The following DLGAP1 variants were observed in gnomAD, a reference collection of about 807,000 sequenced individuals.
DLGAP1 encodes the protein disks large-associated protein 1.
In DLGAP1, 11 loss-of-function variants were observed where a neutral mutation model predicts 90.8. That is an observed-to-expected ratio of 0.12 (90% CI 0.08 to 0.20). The LOEUF is 0.20. DLGAP1 is among the 10% of genes least tolerant of loss of function. The pLI is 1.00. For synonymous variants in DLGAP1, 558 were observed against 540.7 expected, an observed-to-expected ratio of 1.03 and a Z score of -0.44; for missense variants, 1,050 against 1,333.8, an observed-to-expected ratio of 0.79 and a Z score of 3.31.
chr18:3,686,435 A>G (rs929201285), intron 7 of DLGAP1, among the ~76,000 whole-genome samples: 4 of 152,148 alleles, frequency 2.6e-5, no homozygotes, highest in Non-Finnish European at 2.9e-5. Flanking sequence ...TTTAAAGACT[A>G]TGTTGGTTAT....
intron 1 of DLGAP1, among the ~76,000 whole-genome samples, chr18:4,227,760 T>TA (rs59003543): frequency 0.031 from 4,107 of 131,998 alleles, 81 homozygotes; most frequent in African/African-American, 0.055. Flanking sequence ...AAACTTCAAA[T>TA]AAAAAAAAAA....
chr18:3,740,968 C>G (rs1363536597), intron 6 of DLGAP1, among the ~76,000 whole-genome samples: 1 of 138,134 alleles, frequency 7.2e-6, no homozygotes, highest in African/African-American at 2.7e-5. Flanking sequence ...ACCACCACCA[C>G]CATCACATCA....
rs377701830 is a variant in DLGAP1, at chr18:3,876,929, T to C, written c.957+2183A>G. Among the ~76,000 whole-genome samples, 4 of 152,184 alleles carry C rather than the reference T, an allele frequency of 2.6e-5. No individual in the cohort carries two copies. The East Asian group carries it at 7.7e-4, about 29-fold the overall frequency. On this transcript the variant is annotated intron_variant, in intron 4 of 12. Coordinates refer to ENST00000315677, the MANE Select transcript of DLGAP1 (RefSeq NM_004746.4). ...TATGCTTATTTTAAAGATTTTTATT[T>C]TCTTCTTGCTCACCATTTTTGATGC... is the stretch of plus-strand genomic sequence containing the variant.
At chr18:3,837,122 C>T (rs1204600678) in intron 4 of DLGAP1, among the ~76,000 whole-genome samples, 1 of 152,156 alleles carries the variant, frequency 6.6e-6, no homozygotes, top group Non-Finnish European at 1.5e-5. Flanking sequence ...GCCAAGCCTG[C>T]GAAATAGGCT....
intron 7 of DLGAP1, among the ~76,000 whole-genome samples, chr18:3,674,296 A>AAATATATATATATATATATAT (rs755076240): frequency 7.8e-6 from 1 of 128,992 alleles, no homozygotes; most frequent in African/African-American, 3.2e-5. Flanking sequence ...ATAATATTAA[A>AAATATATATATATATATATAT]ATATATATAT....
intron 4 of DLGAP1, among the ~76,000 whole-genome samples, chr18:3,875,560 C>G (rs979077637): frequency 6.6e-6 from 1 of 152,160 alleles, no homozygotes; most frequent in African/African-American, 2.4e-5. Context: ...TCAGTTTTGA[C>G]CCAACGTGTT....
chr18:3,522,582 G>A (rs1263770920), intron 10 of DLGAP1, among the ~76,000 whole-genome samples: 14 of 128,356 alleles, frequency 1.1e-4, no homozygotes, highest in Admixed American at 6.7e-4. Flanking sequence ...TCATTCTGTC[G>A]CCCAGGCTGC....
chr18:4,371,612 A>G (rs1381228006), intron 1 of DLGAP1, among the ~76,000 whole-genome samples: 1 of 152,216 alleles, frequency 6.6e-6, no homozygotes, highest in Non-Finnish European at 1.5e-5. Context: ...TGAGTCTTTA[A>G]TCATTGCCTA....
At chr18:3,621,133 T>G (rs544458131) in intron 7 of DLGAP1, among the ~76,000 whole-genome samples, 1 of 152,310 alleles carries the variant, frequency 6.6e-6, no homozygotes, top group Admixed American at 6.5e-5. Flanking sequence ...CTGAGTTCAG[T>G]GGCTCACACC....
intron 7 of DLGAP1, among the ~76,000 whole-genome samples, chr18:3,652,883 G>A (rs1185941681): frequency 1.3e-5 from 2 of 152,188 alleles, no homozygotes; most frequent in Non-Finnish European, 2.9e-5. Context: ...ACCACGGCTG[G>A]CTCATCTTGT....
intron 7 of DLGAP1, among the ~76,000 whole-genome samples, chr18:3,685,563 CAAAAA>C (rs59737533): frequency 1.2e-4 from 9 of 76,590 alleles, no homozygotes; most frequent in African/African-American, 4.4e-4. Context: ...GATTCCGTCT[CAAAAA>C]AAAAAAAAAA....
intron 1 of DLGAP1, among the ~76,000 whole-genome samples, chr18:4,270,925 T>C (rs1194704247): frequency 6.6e-6 from 1 of 152,194 alleles, no homozygotes; most frequent in South Asian, 2.1e-4. Context: ...TTTGATCCTA[T>C]CACTAGAACA....
intron 10 of DLGAP1, among the ~76,000 whole-genome samples, chr18:3,515,329 G>C (rs758079046): frequency 1.5e-4 from 23 of 151,938 alleles, no homozygotes; most frequent in Non-Finnish European, 2.9e-4. Context: ...AAATTAGCCA[G>C]GCGTGGTGGC....
At chr18:3,615,136 G>A (rs1243997361) in intron 7 of DLGAP1, among the ~76,000 whole-genome samples, 3 of 151,964 alleles carry the variant, frequency 2.0e-5, no homozygotes, top group Non-Finnish European at 4.4e-5. Context: ...TGGTCAGGCT[G>A]GTCTCAAACT....
intron 2 of DLGAP1, among the ~76,000 whole-genome samples, chr18:4,021,190 T>C (rs998158862): frequency 6.6e-6 from 1 of 152,178 alleles, no homozygotes; most frequent in Non-Finnish European, 1.5e-5. Context: ...TGAATTACTC[T>C]TTCTTTATTG....
chr18:4,220,459 G>T (rs2078051544), intron 1 of DLGAP1, among the ~76,000 whole-genome samples: 3 of 152,124 alleles, frequency 2.0e-5, no homozygotes, highest in South Asian at 4.1e-4. Context: ...AGCACAGGTG[G>T]GGAAATCAGA....
At chr18:4,192,339 A>C (rs1453882396) in intron 1 of DLGAP1, among the ~76,000 whole-genome samples, 2 of 152,198 alleles carry the variant, frequency 1.3e-5, no homozygotes, top group Non-Finnish European at 2.9e-5. Context: ...GTCAATGCAC[A>C]CCTTTCAAAG....
chr18:3,889,129 A>G (rs1449935278), intron 3 of DLGAP1, among the ~76,000 whole-genome samples: 1 of 152,198 alleles, frequency 6.6e-6, no homozygotes, highest in Non-Finnish European at 1.5e-5. Context: ...AAAAGTTGGG[A>G]AAAACTTGCA....
At chr18:3,966,188 A>T (rs1264519077) in intron 3 of DLGAP1, among the ~76,000 whole-genome samples, 2 of 152,076 alleles carry the variant, frequency 1.3e-5, no homozygotes, top group African/African-American at 4.8e-5. Flanking sequence ...AAAGGGTGAA[A>T]GCTCAGAGGC....
Sources: gnomAD v4.1 joint callset for allele counts (sites outside exome capture counted in the v4.1 genomes callset) on GRCh38, gnomAD v4.1.1 for gene constraint, MANE v1.5 for transcripts, NCBI Gene and HGNC (gene_info 2026-07-23, HGNC 2026-07-21) for gene names.